SLC13A1: variants seen among roughly 807,000 people sequenced by gnomAD.
The protein encoded by SLC13A1 is Na(+)/sulfate cotransporter.
In SLC13A1, 65 loss-of-function variants were observed where a neutral mutation model predicts 70.0. The ratio of observed to expected loss-of-function variants is 0.93; its 90% confidence interval spans 0.76 to 1.14. The LOEUF is 1.14. Ranked by LOEUF, SLC13A1 falls within the 50% of genes most tolerant of loss-of-function variation. The pLI, the probability that SLC13A1 is intolerant of heterozygous loss-of-function variation, is 0.00. For synonymous variants in SLC13A1, 275 were observed against 250.5 expected (o/e 1.10, Z -0.92); for missense variants, 726 against 717.8 (o/e 1.01, Z -0.13).
chr7:123,146,506 C>A (rs754628806), intron 7 of SLC13A1, among the ~76,000 whole-genome samples: 4 of 152,084 alleles, frequency 2.6e-5, no homozygotes, highest in African/African-American at 7.2e-5. Flanking sequence ...CAGAGTGAGA[C>A]CCTGTCTCAG....
chr7:123,162,646 C>T (rs529639062), intron 6 of SLC13A1, among the ~76,000 whole-genome samples: 2 of 152,144 alleles, frequency 1.3e-5, no homozygotes, highest in African/African-American at 2.4e-5. Flanking sequence ...ATACCTTTTT[C>T]ATATCTGATC....
rs1398009204 is a variant in SLC13A1 at position 123,171,868 on chromosome 7, G to A, written c.265C>T (p.Leu89=). 1 of 1,613,100 alleles carries A rather than the reference G, an allele frequency of 6.2e-7. No individual in the cohort carries two copies. Among genetic ancestry groups the A allele is most frequent in the Admixed American group, 1.7e-5 (1 of 59,962 alleles). The part of the protein sequence containing the change: ...SAYFKDFHLL[L]IGVICLATSI... ...GTTGCTAAACAGATAACTCCAATTA[G>A]CAGTAAGTGAAAATCCTTGAAATAA... The change falls in exon 3 of 15, where the codon CTA becomes TTA. Residue 89 remains leucine, a synonymous_variant. Coordinates refer to ENST00000194130, the MANE Select transcript of SLC13A1 (RefSeq NM_022444.4).
In SLC13A1 at chr7:123,157,707, A is replaced by G. The variant is rs1241418110; in HGVS notation, c.661-10397T>C. Among the ~76,000 whole-genome samples the G allele has an allele frequency of 2.0e-5, 3 of 152,276 alleles. No individual in the cohort carries two copies. In the East Asian group the frequency reaches 5.8e-4, roughly 29 times the overall value. On this transcript the variant is annotated intron_variant, in intron 6 of 14. Coordinates refer to ENST00000194130, the MANE Select transcript of SLC13A1 (RefSeq NM_022444.4). ...GCATGACAAATCAGATTCCCATGCT[A>G]AATGAGATGCTATTTAAAATATTAA...
Position 123,168,357 on chromosome 7 carries a change from G to C in SLC13A1, c.660+17C>G. The C allele has an allele frequency of 6.6e-7, 1 of 1,508,760 alleles. No homozygotes were observed. Among genetic ancestry groups the C allele is most frequent in the East Asian group, 2.3e-5 (1 of 44,000 alleles). 93.5% of individuals were successfully genotyped at this position (1,508,760 alleles called of 1,614,324 possible). On this transcript the variant is annotated intron_variant, in intron 6 of 14. Coordinates refer to ENST00000194130, the MANE Select transcript of SLC13A1 (RefSeq NM_022444.4). ...AATTTTGTATATAATTATTTAGAAA[G>C]AATCAAATTTATGTACCTTTTCCAA...
chr7:123,147,107 T>A (rs1268876962), intron 7 of SLC13A1, 52 bp downstream of exon 7: 2 of 1,561,498 alleles, frequency 1.3e-6, no homozygotes, highest in Non-Finnish European at 1.7e-6. Flanking sequence ...ATAATTTTTA[T>A]AATTTTTGTG....
intron 6 of SLC13A1, among the ~76,000 whole-genome samples, chr7:123,162,625 T>C (rs927314442): frequency 6.6e-6 from 1 of 152,096 alleles, no homozygotes; most frequent in East Asian, 1.9e-4. Context: ...TGTTACGTGA[T>C]CTAAGCTAAA....
At chr7:123,172,909 AT>A (rs1432133846) in intron 2 of SLC13A1, among the ~76,000 whole-genome samples, 1 of 152,172 alleles carries the variant, frequency 6.6e-6, no homozygotes, top group African/African-American at 2.4e-5. Context: ...GTATAATGTC[AT>A]TTTTAAAGAG....
chr7:123,134,664 T>G (rs1793890812), intron 7 of SLC13A1, 135 bp from the exon 8 acceptor site: 1 of 694,284 alleles, frequency 1.4e-6, no homozygotes, highest in Non-Finnish European at 2.3e-6. Flanking sequence ...TACTCATCAT[T>G]AAATAGAGTA....
chr7:123,126,421 A>G (rs896552474), intron 10 of SLC13A1, among the ~76,000 whole-genome samples: 4 of 152,210 alleles, frequency 2.6e-5, no homozygotes, highest in African/African-American at 9.6e-5. Flanking sequence ...AACAGGAAAG[A>G]ACCTGGAGAC....
intron 14 of SLC13A1, 95 bp from the exon 15 acceptor site, chr7:123,115,750 C>A: frequency 8.2e-7 from 1 of 1,223,194 alleles, no homozygotes; most frequent in Non-Finnish European, 1.2e-6. Flanking sequence ...AATTTACATG[C>A]ATCCTAAATG....
At chr7:123,196,696 G>A (rs764719539) in intron 1 of SLC13A1, among the ~76,000 whole-genome samples, 19 of 151,994 alleles carry the variant, frequency 1.3e-4, no homozygotes, top group Non-Finnish European at 2.4e-4. Context: ...CTACCTTAAT[G>A]ACATTGCGTA....
At chr7:123,170,298 T>C (rs907263100) in intron 3 of SLC13A1, among the ~76,000 whole-genome samples, 3 of 152,168 alleles carry the variant, frequency 2.0e-5, no homozygotes, top group Non-Finnish European at 2.9e-5. Flanking sequence ...AGAAAATATA[T>C]TAGGAATCTG....
chr7:123,188,898 G>A (rs1003382861), intron 1 of SLC13A1, among the ~76,000 whole-genome samples: 1 of 151,458 alleles, frequency 6.6e-6, no homozygotes, highest in Non-Finnish European at 1.5e-5. Context: ...GGCGGATCAC[G>A]AGGTCAGGAG....
At chr7:123,193,471 C>T (rs746562134) in intron 1 of SLC13A1, among the ~76,000 whole-genome samples, 1 of 152,130 alleles carries the variant, frequency 6.6e-6, no homozygotes, top group African/African-American at 2.4e-5. Context: ...ACTATTTGTC[C>T]ATCATGGGTA....
In SLC13A1 at chr7:123,141,384, C is replaced by T. The variant is rs554584374; in HGVS notation, c.812+5775G>A. Among the ~76,000 whole-genome samples, 4 of 152,260 alleles carry T rather than the reference C, an allele frequency of 2.6e-5. No individual in the cohort carries two copies. In the South Asian group the frequency reaches 6.2e-4, roughly 24 times the overall value. Reference sequence around the variant, plus strand: ...GCTGAGGAAAAGAATGTGTATACTGCAGCCATTTGATGAAATGTTCTGTAA... The same window carrying T: ...GCTGAGGAAAAGAATGTGTATACTGTAGCCATTTGATGAAATGTTCTGTAA... On this transcript the variant is annotated intron_variant, in intron 7 of 14. Coordinates refer to ENST00000194130, the MANE Select transcript of SLC13A1 (RefSeq NM_022444.4).
intron 3 of SLC13A1, among the ~76,000 whole-genome samples, 166 bp downstream of exon 3, chr7:123,171,602 C>T (rs1244214410): frequency 6.6e-6 from 1 of 152,114 alleles, no homozygotes; most frequent in Non-Finnish European, 1.5e-5. Flanking sequence ...CCTCCTACAA[C>T]TCAAGTACAC....
chr7:123,128,792 A>G, intron 10 of SLC13A1, 53 bp downstream of exon 10: 1 of 1,123,048 alleles, frequency 8.9e-7, no homozygotes, highest in South Asian at 1.3e-5. Context: ...CACACAGGAG[A>G]GAAGCAGAGT....
intron 8 of SLC13A1, among the ~76,000 whole-genome samples, chr7:123,130,511 C>T (rs1793721254): frequency 6.6e-6 from 1 of 152,018 alleles, no homozygotes; most frequent in Admixed American, 6.6e-5. Flanking sequence ...GGGAGCTGAA[C>T]AAGGAGAACA....
At chr7:123,129,688 GC>G (rs1793690161) in intron 8 of SLC13A1, among the ~76,000 whole-genome samples, 1 of 151,698 alleles carries the variant, frequency 6.6e-6, no homozygotes, top group African/African-American at 2.4e-5. Context: ...TTCTGTTTTT[GC>G]CTGGTTTGCT....
Sources: allele counts gnomAD v4.1 joint callset (sites outside exome capture counted in the v4.1 genomes callset), GRCh38; gene constraint gnomAD v4.1.1; transcripts MANE v1.5; gene names NCBI Gene and HGNC (gene_info 2026-07-23, HGNC 2026-07-21).